The following NMNAT2 variants were observed in gnomAD, a reference collection of about 807,000 sequenced individuals.
The protein encoded by NMNAT2 is nicotinamide/nicotinic acid mononucleotide adenylyltransferase 2.
A neutral mutation model predicts 41.6 loss-of-function variants in NMNAT2; 11 were observed. That is an observed-to-expected ratio of 0.26 (90% CI 0.17 to 0.44). The LOEUF is 0.44. Ranked by LOEUF, NMNAT2 falls within the 20% of genes least tolerant of loss-of-function variation. NMNAT2 has a pLI of 1.00. For synonymous variants in NMNAT2, 148 were observed against 151.2 expected (o/e 0.98, Z 0.16); for missense variants, 288 against 407.7 (o/e 0.71, Z 2.53).
intron 1 of NMNAT2, among the ~76,000 whole-genome samples, chr1:183,351,137 C>T (rs1440781508): frequency 6.6e-6 from 1 of 152,188 alleles, no homozygotes; most frequent in African/African-American, 2.4e-5. Flanking sequence ...ATATCTTTAT[C>T]TGTTACTGAT....
chr1:183,404,847 A>G (rs1036902429), intron 1 of NMNAT2, among the ~76,000 whole-genome samples: 1 of 152,234 alleles, frequency 6.6e-6, no homozygotes, highest in Non-Finnish European at 1.5e-5. Flanking sequence ...TGGTCAAGCA[A>G]ACAAATGCAA....
At chr1:183,400,018 A>T (rs9727568) in intron 1 of NMNAT2, among the ~76,000 whole-genome samples, 13,927 of 152,068 alleles carry the variant, frequency 0.092, 811 homozygotes, top group Middle Eastern at 0.18. Context: ...AGGGATGCCC[A>T]CTCTCACCAC....
chr1:183,320,244 T>G (rs966600854), intron 1 of NMNAT2, among the ~76,000 whole-genome samples: 3 of 152,214 alleles, frequency 2.0e-5, no homozygotes, highest in Non-Finnish European at 2.9e-5. Flanking sequence ...AGATAAAGTT[T>G]TTGAAGTGCT....
At chr1:183,409,407 C>A (rs998835810) in intron 1 of NMNAT2, among the ~76,000 whole-genome samples, 4 of 152,066 alleles carry the variant, frequency 2.6e-5, no homozygotes, top group Non-Finnish European at 5.9e-5. Flanking sequence ...GCCTCAACCT[C>A]ATGGGCTCAA....
At chr1:183,368,255 C>A (rs1208505026) in intron 1 of NMNAT2, among the ~76,000 whole-genome samples, 1 of 152,140 alleles carries the variant, frequency 6.6e-6, no homozygotes, top group Non-Finnish European at 1.5e-5. Flanking sequence ...GAGCCATTAG[C>A]TCGGAGGGCT....
rs201101702 is a variant in NMNAT2, at chr1:183,251,520, T to G, written c.*1121A>C. 1 of 152,458 alleles carries G rather than the reference T, an allele frequency of 6.6e-6. No individual in the cohort carries two copies. Among genetic ancestry groups the G allele is most frequent in the Non-Finnish European group, 1.5e-5 (1 of 68,158 alleles). The allele number at this position is 152,458 out of a possible 1,614,324, so 9.4% of individuals were successfully genotyped here. A position where few individuals can be genotyped will look rare whatever the true frequency, so the allele number is the denominator to read the frequency against. ...GTGTTTTTTTGTTTTGTTTTGTTTT[T>G]TTATGACACGACTGCACGATGTGGA... On this transcript the variant is annotated 3_prime_UTR_variant, in exon 11 of 11. Transcript: ENST00000287713.
intron 1 of NMNAT2, among the ~76,000 whole-genome samples, chr1:183,346,112 C>A (rs537747570): frequency 1.5e-4 from 23 of 152,290 alleles, no homozygotes; most frequent in African/African-American, 5.5e-4. Context: ...ATTCCCAGCT[C>A]CAATTCTACT....
At chr1:183,315,831 G>C (rs889486103) in intron 1 of NMNAT2, among the ~76,000 whole-genome samples, 2 of 151,008 alleles carry the variant, frequency 1.3e-5, no homozygotes, top group Non-Finnish European at 2.9e-5. Flanking sequence ...AGGTTGATGG[G>C]TGCAGCAAAC....
chr1:183,253,817 T>C (rs897193437), intron 10 of NMNAT2, among the ~76,000 whole-genome samples: 1 of 152,240 alleles, frequency 6.6e-6, no homozygotes, highest in African/African-American at 2.4e-5. Flanking sequence ...GTCTGGCTTA[T>C]GTCACTTGGC....
At chr1:183,396,295 T>C (rs1380525779) in intron 1 of NMNAT2, among the ~76,000 whole-genome samples, 1 of 151,964 alleles carries the variant, frequency 6.6e-6, no homozygotes, top group Admixed American at 6.6e-5. Context: ...CAGGCAACAA[T>C]CAGGTGATGG....
At chr1:183,311,305 G>A (rs1662113503) in intron 1 of NMNAT2, among the ~76,000 whole-genome samples, 1 of 152,164 alleles carries the variant, frequency 6.6e-6, no homozygotes, top group Admixed American at 6.5e-5. Context: ...GATCAAGAAA[G>A]CCTCTTTCTC....
intron 1 of NMNAT2, among the ~76,000 whole-genome samples, chr1:183,324,294 G>A (rs1177866785): frequency 6.6e-6 from 1 of 152,196 alleles, no homozygotes; most frequent in Non-Finnish European, 1.5e-5. Flanking sequence ...TGCTGAGAGA[G>A]TATTCAAAAG....
At chr1:183,354,299 A>C (rs2102354377) in intron 1 of NMNAT2, among the ~76,000 whole-genome samples, 1 of 152,326 alleles carries the variant, frequency 6.6e-6, no homozygotes. Flanking sequence ...AAGGTTAGAT[A>C]AAAACTGTCA....
At chr1:183,357,333 C>T (rs908219617) in intron 1 of NMNAT2, among the ~76,000 whole-genome samples, 6 of 150,470 alleles carry the variant, frequency 4.0e-5, no homozygotes, top group Admixed American at 2.0e-4. Context: ...GGGTTCACAC[C>T]ATTCTCCTGC....
intron 1 of NMNAT2, among the ~76,000 whole-genome samples, chr1:183,373,496 G>A (rs995906369): frequency 3.9e-5 from 6 of 152,144 alleles, no homozygotes; most frequent in African/African-American, 1.4e-4. Context: ...AGCCACTGGG[G>A]GAAAAGCCTC....
rs555366657 is a variant in NMNAT2 at position 183,403,785 on chromosome 1, A to G, written c.85+14398T>C. Among the ~76,000 whole-genome samples the G allele has an allele frequency of 7.2e-5, 11 of 152,372 alleles. No individual in the cohort carries two copies. In the East Asian group the frequency reaches 1.9e-3, roughly 27 times the overall value. ...AATGATAACAAAATTGCATGACAAT[A>G]CACATTGAAAAGTTGATTTAATGCA... On this transcript the variant is annotated intron_variant, in intron 1 of 10. Coordinates refer to ENST00000287713, the MANE Select transcript of NMNAT2 (RefSeq NM_015039.4).
At chr1:183,341,735 A>AAC (rs1271617841) in intron 1 of NMNAT2, among the ~76,000 whole-genome samples, 3 of 140,590 alleles carry the variant, frequency 2.1e-5, no homozygotes, top group Non-Finnish European at 3.1e-5. Context: ...CAAAAAAAAA[A>AAC]AAAAAAAAAA....
chr1:183,385,572 T>C (rs952343848), intron 1 of NMNAT2, among the ~76,000 whole-genome samples: 11 of 151,882 alleles, frequency 7.2e-5, no homozygotes, highest in Admixed American at 7.2e-4. Flanking sequence ...ACCAAAGCCA[T>C]GTGATATAAA....
chr1:183,413,800 G>T (rs555235338), intron 1 of NMNAT2, among the ~76,000 whole-genome samples: 47 of 151,930 alleles, frequency 3.1e-4, no homozygotes, highest in Non-Finnish European at 5.9e-4. Context: ...GTAGAGATGG[G>T]GTTTCACCGT....
Sources: allele counts gnomAD v4.1 joint callset (sites outside exome capture counted in the v4.1 genomes callset), GRCh38; gene constraint gnomAD v4.1.1; transcripts MANE v1.5; gene names NCBI Gene and HGNC (gene_info 2026-07-23, HGNC 2026-07-21).